Variants in WASF2 observed in about 807,000 individuals in gnomAD.
The protein encoded by WASF2 is WASP family member 2, also known as actin-binding protein WASF2.
A neutral mutation model predicts 45.0 loss-of-function variants in WASF2; 14 were observed. The observed-to-expected ratio is 0.31, with a 90% confidence interval of 0.21 to 0.49. The LOEUF is 0.49. Among genes scored for constraint, WASF2 ranks in the 20% least tolerant of loss-of-function variants. The pLI is 0.99. For missense variants in WASF2, 439 were observed against 636.1 expected (o/e 0.69, Z 3.33); for synonymous variants, 200 against 236.3 (o/e 0.85, Z 1.41).
chr1:27,446,849 C>T, intron 1 of WASF2, among the ~76,000 whole-genome samples: 1 of 151,570 alleles, frequency 6.6e-6, no homozygotes, highest in East Asian at 1.9e-4. Flanking sequence ...TACCTAATTG[C>T]TATTCTGTTA....
rs370881718 is a variant in WASF2, at chr1:27,479,242, C to T, written c.-44+10744G>A. The stretch of plus-strand genomic sequence containing the variant: ...CGGAGGTTGCAGTGAGCCAAGACTG[C>T]GCCACTGCACTCCAGTGTGGGCGAC... On this transcript the variant is annotated intron_variant, in intron 1 of 8. Coordinates refer to ENST00000618852, the MANE Select transcript of WASF2 (RefSeq NM_006990.5). Among the ~76,000 whole-genome samples, 8 of 151,454 alleles carry T rather than the reference C, an allele frequency of 5.3e-5. No individual in the cohort carries two copies. The South Asian group carries it at 6.3e-4, about 12-fold the overall frequency.
chr1:27,458,183 T>C (rs1485213568), intron 1 of WASF2, among the ~76,000 whole-genome samples: 4 of 151,702 alleles, frequency 2.6e-5, no homozygotes, highest in African/African-American at 9.7e-5. Flanking sequence ...CATGGTGGCC[T>C]GCACCTGTAG....
Position 27,408,221 on chromosome 1 carries a change from A to G in WASF2, c.1465T>C (p.Ser489Pro). ...GACCAGTCGTCCTCATCAAATTCAG[A>G]GGAGTCATCTTCTGAGTCACTGTAC... is the stretch of plus-strand genomic sequence containing the variant. ...VEYSDSEDDSSEFDEDDWSD is the reference protein window; with the variant it reads ...VEYSDSEDDSPEFDEDDWSD The change falls in exon 9 of 9, where the codon TCT (serine) becomes CCT (proline). Residue 489 changes from serine (S) to proline (P), a missense_variant. Transcript: ENST00000618852. 1 of 1,614,136 alleles carries G rather than the reference A, an allele frequency of 6.2e-7. No individual in the cohort carries two copies. The highest frequency in any genetic ancestry group is 1.3e-5 in the African/African-American group (1 of 75,062).
At chr1:27,412,830 G>A (rs2016782627) in intron 6 of WASF2, 103 bp from the exon 7 acceptor site, 1 of 1,351,006 alleles carries the variant, frequency 7.4e-7, no homozygotes. Context: ...AAAGCTATTA[G>A]GGAGAAGTAA....
intron 1 of WASF2, among the ~76,000 whole-genome samples, chr1:27,443,471 G>C (rs1479176960): frequency 6.6e-6 from 1 of 151,738 alleles, no homozygotes; most frequent in African/African-American, 2.4e-5. Context: ...AAACTAGCTG[G>C]GCGTGGTGGC....
intron 1 of WASF2, among the ~76,000 whole-genome samples, chr1:27,474,513 T>G (rs2017738575): frequency 6.6e-6 from 1 of 151,978 alleles, no homozygotes; most frequent in Non-Finnish European, 1.5e-5. Context: ...GGCTCACACC[T>G]CTAATCCCAG....
chr1:27,473,540 T>C (rs1203072928), intron 1 of WASF2, among the ~76,000 whole-genome samples: 3 of 151,520 alleles, frequency 2.0e-5, no homozygotes, highest in African/African-American at 4.8e-5. Context: ...AAGAGGGGTA[T>C]TGGAAGAAAC....
chr1:27,434,726 TAACCCCATCTTCATCTGTAGC>T (rs950701423), intron 1 of WASF2, among the ~76,000 whole-genome samples: 16 of 152,312 alleles, frequency 1.1e-4, no homozygotes, highest in African/African-American at 3.6e-4. Flanking sequence ...GATTCAGCAG[TAACCCCATCTTCATCTGTAGC>T]AAGTTTCAGC....
chr1:27,426,418 G>A (rs553474220), intron 2 of WASF2, among the ~76,000 whole-genome samples: 7 of 152,234 alleles, frequency 4.6e-5, no homozygotes, highest in South Asian at 2.1e-4. Flanking sequence ...CAGAGACAGC[G>A]AGTAAGGGAC....
intron 1 of WASF2, among the ~76,000 whole-genome samples, chr1:27,483,198 G>A (rs2017876057): frequency 6.6e-6 from 1 of 152,098 alleles, no homozygotes; most frequent in Non-Finnish European, 1.5e-5. Context: ...GGCCGGGCGT[G>A]GTGGCTCACA....
chr1:27,441,347 G>T, intron 1 of WASF2, among the ~76,000 whole-genome samples: 1 of 151,998 alleles, frequency 6.6e-6, no homozygotes, highest in South Asian at 2.1e-4. Flanking sequence ...GAAAAACGTG[G>T]CTGGGCGTGG....
intron 1 of WASF2, among the ~76,000 whole-genome samples, chr1:27,430,533 G>C (rs1045189229): frequency 2.0e-5 from 3 of 151,422 alleles, no homozygotes; most frequent in Admixed American, 6.6e-5. Context: ...GCTAATTTTT[G>C]TATTTTTTTG....
chr1:27,405,537 A>T lies in WASF2; in HGVS notation c.*2652T>A, dbSNP rs1310270281. 3 of 151,514 alleles carry T rather than the reference A, an allele frequency of 2.0e-5. No homozygotes were observed. The highest frequency in any genetic ancestry group is 4.4e-5 in the Non-Finnish European group (3 of 67,986). 9.4% of individuals were successfully genotyped at this position (151,514 alleles called of 1,614,324 possible). ...TTTGCATTCTACATTACGTGAGTCC[A>T]AAAACAGGATTACCTGCATTGGGTC... On this transcript the variant is annotated 3_prime_UTR_variant, in exon 9 of 9. Transcript: ENST00000618852.
Position 27,418,206 on chromosome 1 carries a change from C to CA in WASF2, c.419+62dup, listed in dbSNP as rs57365996. ...CTCTGATGGAAACAACCGCTTCAGA[C>CA]AAAAAAAAATCTAGCGTTATTAAAC... On this transcript the variant is annotated intron_variant, in intron 4 of 8. Coordinates refer to ENST00000618852, the MANE Select transcript of WASF2 (RefSeq NM_006990.5). 7.2e-4 allele frequency: 1,089 copies of CA among 1,512,184 alleles called. 4 individuals carry two copies. The highest frequency in any genetic ancestry group is 1.3e-3 in the Admixed American group (61 of 47,922). 93.7% of individuals were successfully genotyped at this position (1,512,184 alleles called of 1,614,324 possible).
At chr1:27,428,655 A>G in intron 2 of WASF2, 106 bp downstream of exon 2, 1 of 1,567,808 alleles carries the variant, frequency 6.4e-7, no homozygotes, top group Non-Finnish European at 8.7e-7. Flanking sequence ...CGCATTACCT[A>G]GGGAAGGCAG....
At chr1:27,441,104 G>A (rs556981847) in intron 1 of WASF2, among the ~76,000 whole-genome samples, 3 of 152,200 alleles carry the variant, frequency 2.0e-5, no homozygotes, top group Admixed American at 1.3e-4. Context: ...CTGAGCTCAA[G>A]CGATCTGCCC....
intron 1 of WASF2, among the ~76,000 whole-genome samples, chr1:27,440,767 C>T (rs1418080729): frequency 1.3e-5 from 2 of 152,038 alleles, no homozygotes; most frequent in Non-Finnish European, 2.9e-5. Flanking sequence ...CATTCTATAA[C>T]TCAGACTTAC....
intron 1 of WASF2, among the ~76,000 whole-genome samples, chr1:27,476,601 C>G (rs1394146969): frequency 6.6e-6 from 1 of 151,272 alleles, no homozygotes; most frequent in Non-Finnish European, 1.5e-5. Context: ...AAAAAAAAAA[C>G]CTCTTCCAGA....
intron 1 of WASF2, among the ~76,000 whole-genome samples, chr1:27,483,963 T>C (rs574293117): frequency 2.6e-5 from 4 of 152,146 alleles, no homozygotes; most frequent in African/African-American, 7.2e-5. Flanking sequence ...CTGTCTCAAA[T>C]AATAACAATA....
Sources: gnomAD v4.1 joint callset for allele counts (sites outside exome capture counted in the v4.1 genomes callset) on GRCh38, gnomAD v4.1.1 for gene constraint, MANE v1.5 for transcripts, NCBI Gene and HGNC (gene_info 2026-07-23, HGNC 2026-07-21) for gene names.